HERC2: variants seen among roughly 807,000 people sequenced by gnomAD.
The protein encoded by HERC2 is HECT and RLD domain containing E3 ubiquitin protein ligase 2.
A neutral mutation model predicts 537.7 loss-of-function variants in HERC2; 102 were observed. That is an observed-to-expected ratio of 0.19 (90% CI 0.16 to 0.22). The LOEUF is 0.22. Ranked by LOEUF, HERC2 falls within the 10% of genes least tolerant of loss-of-function variation. The pLI, the probability that HERC2 is intolerant of heterozygous loss-of-function variation, is 1.00. For synonymous variants in HERC2, 2,224 were observed against 2,466.2 expected (o/e 0.90, Z 2.91); for missense variants, 4,236 against 6,198.2 (o/e 0.68, Z 10.63).
At chr15:28,313,363 T>A (rs1177960286) in intron 2 of HERC2, among the ~76,000 whole-genome samples, 1 of 152,226 alleles carries the variant, frequency 6.6e-6, no homozygotes, top group East Asian at 1.9e-4. Flanking sequence ...GTATTTTTAG[T>A]AGAGACGGGG....
At chr15:28,142,485 T>G (rs1891325149) in intron 75 of HERC2, 92 bp from the exon 76 acceptor site, 2 of 1,325,546 alleles carry the variant, frequency 1.5e-6, no homozygotes, top group South Asian at 2.9e-5. Context: ...GACCTCCTAT[T>G]CCAGGATGAC....
At chr15:28,293,508 A>T (rs1040120985) in intron 3 of HERC2, among the ~76,000 whole-genome samples, 15 of 151,866 alleles carry the variant, frequency 9.9e-5, no homozygotes, top group African/African-American at 3.6e-4. Flanking sequence ...AAAAAAAAAA[A>T]AAAGAAACCA....
chr15:28,144,924 A>G (rs1891584945), intron 71 of HERC2, 120 bp from the exon 72 acceptor site: 1 of 1,237,500 alleles, frequency 8.1e-7, no homozygotes, highest in Admixed American at 1.9e-5. Context: ...CCTCCAATCC[A>G]AGCTCTCCCA....
chr15:28,218,880 A>T (rs1900217549), intron 37 of HERC2, among the ~76,000 whole-genome samples: 1 of 152,054 alleles, frequency 6.6e-6, no homozygotes, highest in Admixed American at 6.6e-5. Flanking sequence ...CCCAAGCTAG[A>T]GTGCAACGGC....
At position 28,218,414 on chromosome 15, in the gene HERC2, C is replaced by T. The variant is rs1196637781; in HGVS notation, c.6028+75G>A. On this transcript the variant is annotated intron_variant, in intron 38 of 92. Transcript: ENST00000261609. ...AGGAATCCACACACATCCACACCCA[C>T]CCACATGAACACCCAGACACAAGCG... 7.7e-6 allele frequency: 10 copies of T among 1,300,484 alleles called. No homozygotes were observed. In the South Asian group the frequency reaches 9.5e-5, roughly 12 times the overall value. The allele number at this position is 1,300,484 out of a possible 1,614,324, so 80.6% of individuals were successfully genotyped here. A position where few individuals can be genotyped will look rare whatever the true frequency, so the allele number is the denominator to read the frequency against.
chr15:28,129,666 A>G (rs573891854), intron 83 of HERC2, among the ~76,000 whole-genome samples: 3 of 152,348 alleles, frequency 2.0e-5, no homozygotes, highest in Admixed American at 2.0e-4. Context: ...CAGCCCAGTA[A>G]TAAGTAATAA....
chr15:28,193,748 G>C (rs1313170236), intron 52 of HERC2, among the ~76,000 whole-genome samples: 1 of 152,044 alleles, frequency 6.6e-6, no homozygotes, highest in Admixed American at 6.6e-5. Flanking sequence ...TCCAACTTCA[G>C]GAGAAATAAT....
chr15:28,200,314 G>A (rs1480126959), intron 48 of HERC2, among the ~76,000 whole-genome samples: 1 of 152,154 alleles, frequency 6.6e-6, no homozygotes, highest in Admixed American at 6.6e-5. Flanking sequence ...AGAATGGCAT[G>A]AACCCGGGAG....
intron 24 of HERC2, 60 bp downstream of exon 24, chr15:28,238,542 C>T (rs1323471900): frequency 3.6e-6 from 5 of 1,386,842 alleles, no homozygotes; most frequent in Non-Finnish European, 5.0e-6. Context: ...AAGCCAAATA[C>T]TCTGCTTAAA....
chr15:28,248,458 TAC>T, intron 21 of HERC2, 92 bp downstream of exon 21: 1 of 888,786 alleles, frequency 1.1e-6, no homozygotes, highest in East Asian at 2.6e-5. Flanking sequence ...GTATAACAAC[TAC>T]ACATCTGGGC....
rs187234399 is a variant in HERC2, at chr15:28,274,480, C to G, written c.644-33G>C. 5.5e-5 allele frequency: 86 copies of G among 1,564,896 alleles called. No individual in the cohort carries two copies. The East Asian group carries it at 5.9e-4, about 11-fold the overall frequency. On this transcript the variant is annotated intron_variant, in intron 6 of 92. Coordinates refer to ENST00000261609, the MANE Select transcript of HERC2 (RefSeq NM_004667.6). ...CACACACGCGTCAGAGGAGCCCCCC[C>G]ACTCCCCTCACTCTCCCGCTGGGCT...
chr15:28,293,729 C>T (rs944370257), intron 3 of HERC2, among the ~76,000 whole-genome samples: 4 of 152,132 alleles, frequency 2.6e-5, no homozygotes, highest in Admixed American at 2.6e-4. Flanking sequence ...TAACTCTTTA[C>T]AAGGCCCTAC....
intron 1 of HERC2, 27 bp from the exon 2 acceptor site, chr15:28,321,491 C>T: frequency 9.0e-7 from 1 of 1,106,288 alleles, no homozygotes; most frequent in Non-Finnish European, 1.3e-6. Flanking sequence ...ACGCTGAAGA[C>T]CTAACGCTTT....
chr15:28,251,635 T>C (rs2075086997), intron 20 of HERC2, among the ~76,000 whole-genome samples: 1 of 151,420 alleles, frequency 6.6e-6, no homozygotes, highest in Non-Finnish European at 1.5e-5. Flanking sequence ...ACCCTGTCTC[T>C]ACAAAAATAC....
At chr15:28,235,555 A>G (rs1421170338) in intron 26 of HERC2, among the ~76,000 whole-genome samples, 2 of 151,148 alleles carry the variant, frequency 1.3e-5, no homozygotes, top group Non-Finnish European at 3.0e-5. Context: ...TGCGACACCC[A>G]CTCTCGAAAG....
chr15:28,240,297 A>C (rs1319153105), intron 23 of HERC2, among the ~76,000 whole-genome samples: 1 of 152,212 alleles, frequency 6.6e-6, no homozygotes, highest in Non-Finnish European at 1.5e-5. Flanking sequence ...AGGCGCCTGT[A>C]GTCCCAGCTA....
Position 28,174,452 on chromosome 15 carries a change from C to A in HERC2, c.10000G>T (p.Val3334Phe). The change falls in exon 65 of 93, where the codon GTC becomes TTC. Residue 3334 changes from valine (V) to phenylalanine (F), a missense_variant. Val to Phe is a conservative substitution (Grantham distance 50). Around this residue, in one of 27 missense-constraint regions of HERC2, gnomAD observed 93 missense variants for 265.1 expected, o/e 0.35. Transcript: ENST00000261609. Reference sequence around the variant, plus strand: ...GTCTGGAAGAGGACGGGCTCGTGGACAGAGGGCGTGGCCACATCCACAGTT... The same window carrying A: ...GTCTGGAAGAGGACGGGCTCGTGGAAAGAGGGCGTGGCCACATCCACAGTT... Reference protein sequence around the residue: ...WTTVDVATPSVHEPVLFQTAR... With the variant: ...WTTVDVATPSFHEPVLFQTAR... The A allele has an allele frequency of 1.9e-6, 3 of 1,613,678 alleles. No homozygotes were observed. Among genetic ancestry groups the A allele is most frequent in the Non-Finnish European group, 1.7e-6 (2 of 1,179,912 alleles).
At position 28,298,936 on chromosome 15, in the gene HERC2, T is replaced by G. The variant is rs542482472; in HGVS notation, c.187+466A>C. ...TCTCAAGCAGGGGGACCAACGAACT[T>G]CAACAGTGGTTCTCAACCAAGGATC... On this transcript the variant is annotated intron_variant, in intron 3 of 92. Coordinates refer to ENST00000261609, the MANE Select transcript of HERC2 (RefSeq NM_004667.6). 3.9e-3 allele frequency among the ~76,000 whole-genome samples: 596 copies of G among 152,192 alleles called. 4 individuals are homozygous for G. The highest frequency in any genetic ancestry group is 0.014 in the African/African-American group (565 of 41,532).
In HERC2 at chr15:28,229,788, C is replaced by A. The variant is rs371555393; in HGVS notation, c.4869G>T (p.Lys1623Asn). The change falls in exon 32 of 93, where the codon AAG (lysine) becomes AAT (asparagine). Residue 1623 changes from lysine to asparagine, a missense_variant. Physicochemically the swap from Lys to Asn is moderately conservative, Grantham distance 94. Transcript: ENST00000261609. ...VTGVHKYKWL[K>N]QNVQGLYPQS... ...GCGGATAAAGACCCTGCACATTCTG[C>A]TTCAACCACTTGTATTTGTGAACAC... 4.2e-6 allele frequency: 6 copies of A among 1,442,488 alleles called. No homozygotes were observed. Among genetic ancestry groups the A allele is most frequent in the Non-Finnish European group, 3.9e-6 (4 of 1,025,482 alleles). 89.4% of individuals were successfully genotyped at this position (1,442,488 alleles called of 1,614,324 possible).
Sources: allele counts gnomAD v4.1 joint callset (sites outside exome capture counted in the v4.1 genomes callset), GRCh38; gene constraint gnomAD v4.1.1; regional missense constraint gnomAD v4.1.1; transcripts MANE v1.5; gene names NCBI Gene and HGNC (gene_info 2026-07-23, HGNC 2026-07-21).